The following RNF216 variants were observed in gnomAD, a reference collection of about 807,000 sequenced individuals.
RNF216 encodes the protein ring finger protein 216.
RNF216 carries 72 observed loss-of-function variants against 110.8 expected under a neutral mutation model. The ratio of observed to expected loss-of-function variants is 0.65; its 90% CI spans 0.54 to 0.79. The LOEUF is 0.79. Ranked by LOEUF, RNF216 falls within the 30% of genes least tolerant of loss-of-function variation. The pLI is 0.00. For missense variants in RNF216, 1,342 were observed against 1,141.2 expected, an observed-to-expected ratio of 1.18 and a Z score of -2.54; for synonymous variants, 495 against 407.5, an observed-to-expected ratio of 1.21 and a Z score of -2.59.
intron 1 of RNF216, among the ~76,000 whole-genome samples, chr7:5,765,070 A>G (rs1194221990): frequency 1.4e-5 from 2 of 144,990 alleles, no homozygotes; most frequent in South Asian, 2.2e-4. Flanking sequence ...GACTCTCTTA[A>G]AAAAAAAAAA....
intron 13 of RNF216, among the ~76,000 whole-genome samples, chr7:5,688,027 T>C (rs574951469): frequency 2.1e-3 from 325 of 152,358 alleles, no homozygotes; most frequent in African/African-American, 7.6e-3. Context: ...ATTTTCACTT[T>C]GCTTGATGGA....
intron 13 of RNF216, among the ~76,000 whole-genome samples, chr7:5,695,776 T>C (rs1463092906): frequency 2.0e-5 from 3 of 152,214 alleles, no homozygotes; most frequent in Non-Finnish European, 4.4e-5. Flanking sequence ...ACTGTTCCCT[T>C]ATGTGTTCTT....
At chr7:5,639,324 G>A (rs1372227363) in intron 15 of RNF216, among the ~76,000 whole-genome samples, 3 of 152,172 alleles carry the variant, frequency 2.0e-5, no homozygotes, top group African/African-American at 7.2e-5. Flanking sequence ...GGAAGCAACT[G>A]GATCCCAGAT....
At chr7:5,690,993 C>G (rs1791300904) in intron 13 of RNF216, among the ~76,000 whole-genome samples, 1 of 152,230 alleles carries the variant, frequency 6.6e-6, no homozygotes, top group Non-Finnish European at 1.5e-5. Context: ...GAGGCTGAAG[C>G]TCCACCTCCA....
chr7:5,672,578 TA>T (rs1240820093), intron 13 of RNF216, among the ~76,000 whole-genome samples: 33 of 152,342 alleles, frequency 2.2e-4, no homozygotes, highest in African/African-American at 7.7e-4. Context: ...CCAGAATTCA[TA>T]AAACACATGT....
At chr7:5,740,288 G>A (rs181245822) in intron 4 of RNF216, among the ~76,000 whole-genome samples, 61 of 151,854 alleles carry the variant, frequency 4.0e-4, no homozygotes, top group African/African-American at 1.2e-3. Flanking sequence ...CACCACGCCC[G>A]GCTAATTTTT....
chr7:5,660,903 T>G (rs1293536279), intron 13 of RNF216, among the ~76,000 whole-genome samples: 1 of 150,086 alleles, frequency 6.7e-6, no homozygotes, highest in African/African-American at 2.5e-5. Context: ...CTAAAACTCC[T>G]GCTTTTCACA....
At chr7:5,776,928 AAAAG>A (rs888993849) in intron 1 of RNF216, among the ~76,000 whole-genome samples, 3 of 140,682 alleles carry the variant, frequency 2.1e-5, no homozygotes, top group Admixed American at 7.2e-5. Context: ...GAGAGAGAGA[AAAAG>A]AGAGAGAGAG....
intron 13 of RNF216, among the ~76,000 whole-genome samples, chr7:5,707,460 T>G (rs1230489264): frequency 6.6e-6 from 1 of 152,156 alleles, no homozygotes; most frequent in Non-Finnish European, 1.5e-5. Flanking sequence ...ACGCAACTGA[T>G]TTTTATGTGC....
chr7:5,780,998 C>T (rs1201675766), intron 1 of RNF216, among the ~76,000 whole-genome samples: 4 of 152,234 alleles, frequency 2.6e-5, no homozygotes, highest in African/African-American at 9.6e-5. Flanking sequence ...CCCCAGCGCC[C>T]CGCAGAAGGG....
At chr7:5,663,969 A>G (rs1194308489) in intron 13 of RNF216, among the ~76,000 whole-genome samples, 1 of 152,184 alleles carries the variant, frequency 6.6e-6, no homozygotes, top group Non-Finnish European at 1.5e-5. Context: ...TCTGTGCCAC[A>G]TGGAGATGCG....
Position 5,652,440 on chromosome 7 carries a change from T to C in RNF216, c.2132A>G (p.Lys711Arg), listed in dbSNP as rs1788454162. The change falls in exon 14 of 17, where the codon AAA (lysine) becomes AGA (arginine). Residue 711 changes from lysine to arginine, a missense_variant. By Grantham distance (26) the Lys-to-Arg change is conservative. Transcript: ENST00000389902. ...AGAGGTACGGTACTTGATGTCGTCT[T>C]TTTCAGCCAGCTCTTCACAGGTGAG... ...NGLTCEELAE[K>R]DDIKYRTSIE... 6.2e-7 allele frequency: 1 copy of C among 1,613,614 alleles called. No individual in the cohort carries two copies. The highest frequency in any genetic ancestry group is 1.7e-5 in the Admixed American group (1 of 59,988).
intron 13 of RNF216, among the ~76,000 whole-genome samples, chr7:5,662,780 G>A (rs190875611): frequency 6.6e-6 from 1 of 152,300 alleles, no homozygotes; most frequent in Admixed American, 6.5e-5. Flanking sequence ...CTAAAGCCAG[G>A]TAGGGGGCAG....
At chr7:5,690,083 C>G (rs1791238861) in intron 13 of RNF216, among the ~76,000 whole-genome samples, 1 of 152,104 alleles carries the variant, frequency 6.6e-6, no homozygotes, top group African/African-American at 2.4e-5. Context: ...AATCCCAGCA[C>G]TCTGGGAGGC....
Position 5,623,214 on chromosome 7 carries a change from T to C in RNF216, c.2453-35A>G, listed in dbSNP as rs77952034. ...ATGTGGGGATTAGTGGAGAAAAACA[T>C]TAAACCAACCTCAATGGAATCTAGC... On this transcript the variant is annotated intron_variant, in intron 16 of 16. Transcript: ENST00000389902. 1.3e-4 allele frequency: 203 copies of C among 1,519,816 alleles called. No individual in the cohort carries two copies. The African/African-American group carries it at 2.6e-3, about 19-fold the overall frequency. The allele number at this position is 1,519,816 out of a possible 1,614,324, so 94.1% of individuals were successfully genotyped here. A position where few individuals can be genotyped will look rare whatever the true frequency, so the allele number is the denominator to read the frequency against.
chr7:5,768,588 T>C (rs1006772313), intron 1 of RNF216, among the ~76,000 whole-genome samples: 17 of 151,764 alleles, frequency 1.1e-4, no homozygotes, highest in African/African-American at 4.1e-4. Context: ...AGGCTTGAAA[T>C]CACACAGCAT....
At chr7:5,772,004 C>T (rs559151584) in intron 1 of RNF216, among the ~76,000 whole-genome samples, 67 of 152,238 alleles carry the variant, frequency 4.4e-4, no homozygotes, top group Non-Finnish European at 8.1e-4. Context: ...AAGGCCGAGG[C>T]GGGTGGATCA....
chr7:5,627,279 G>A (rs1173177659), intron 15 of RNF216, among the ~76,000 whole-genome samples: 1 of 152,214 alleles, frequency 6.6e-6, no homozygotes, highest in Non-Finnish European at 1.5e-5. Context: ...TCCTGAAGGT[G>A]TCCCTGCCCC....
chr7:5,669,742 A>G (rs1420929340), intron 13 of RNF216, among the ~76,000 whole-genome samples: 1 of 152,166 alleles, frequency 6.6e-6, no homozygotes, highest in East Asian at 1.9e-4. Flanking sequence ...AAATACAAAA[A>G]TTAGTCCGAC....
Sources: allele counts gnomAD v4.1 joint callset (sites outside exome capture counted in the v4.1 genomes callset), GRCh38; gene constraint gnomAD v4.1.1; transcripts MANE v1.5; gene names NCBI Gene and HGNC (gene_info 2026-07-23, HGNC 2026-07-21).